Variants in CNTN5 observed in about 807,000 individuals in gnomAD.
CNTN5 encodes the protein contactin 5, also known as contactin-5.
Under a neutral mutation model 129.1 loss-of-function variants are expected in CNTN5, and 77 were observed. That is an observed-to-expected ratio of 0.60 (90% confidence interval 0.50 to 0.72). The LOEUF (loss-of-function observed/expected upper bound fraction) is 0.72. Among genes scored for constraint, CNTN5 ranks in the 30% least tolerant of loss-of-function variants. The pLI, the probability that CNTN5 is intolerant of heterozygous loss-of-function variation, is 0.00. For missense variants in CNTN5, 1,478 were observed against 1,328.8 expected (o/e 1.11, Z -1.75); for synonymous variants, 509 against 465.6 (o/e 1.09, Z -1.20).
At chr11:99,424,178 C>T (rs1220329519) in intron 2 of CNTN5, among the ~76,000 whole-genome samples, 1 of 152,124 alleles carries the variant, frequency 6.6e-6, no homozygotes, top group Non-Finnish European at 1.5e-5. Flanking sequence ...AATATGGCAA[C>T]ATCAATACTC....
intron 6 of CNTN5, among the ~76,000 whole-genome samples, chr11:99,907,447 G>A (rs1949538993): frequency 6.6e-6 from 1 of 151,840 alleles, no homozygotes. Flanking sequence ...TTCAAATAAG[G>A]AACAAAACTA....
intron 2 of CNTN5, among the ~76,000 whole-genome samples, chr11:99,507,317 C>T (rs976750956): frequency 7.3e-5 from 10 of 137,506 alleles, no homozygotes; most frequent in African/African-American, 2.8e-4. Context: ...GCAGAAGTTG[C>T]AGTGAGCCGA....
intron 1 of CNTN5, among the ~76,000 whole-genome samples, chr11:99,207,107 C>A (rs78696825): frequency 0.016 from 2,487 of 151,904 alleles, 62 homozygotes; most frequent in African/African-American, 0.056. Context: ...ATTTGCTCTT[C>A]GAAAATTTAT....
rs1330974639 is a variant in CNTN5, at chr11:100,358,639, G to A, written c.*2419G>A. The A allele has an allele frequency of 1.3e-5, 2 of 151,720 alleles. No homozygotes were observed. The highest frequency in any genetic ancestry group is 1.3e-4 in the Admixed American group (2 of 15,188). The allele number at this position is 151,720 out of a possible 1,614,324, so 9.4% of individuals were successfully genotyped here. On this transcript the variant is annotated 3_prime_UTR_variant, in exon 25 of 25. Coordinates refer to ENST00000524871, the MANE Select transcript of CNTN5 (RefSeq NM_014361.4). Reference sequence around the variant, plus strand: ...TAAAGAGACTGTATTTTTGTATAATGTCCATTGAATATGAAGAAAGCAACA... The same window carrying A: ...TAAAGAGACTGTATTTTTGTATAATATCCATTGAATATGAAGAAAGCAACA...
chr11:99,144,874 G>A (rs10892810), intron 1 of CNTN5, among the ~76,000 whole-genome samples: 130,916 of 151,862 alleles, frequency 0.86, 56,812 homozygotes, highest in East Asian at 0.99. Flanking sequence ...CTGTGAAATC[G>A]CTATTTTGAA....
intron 1 of CNTN5, among the ~76,000 whole-genome samples, chr11:99,186,299 A>T: frequency 6.6e-6 from 1 of 151,948 alleles, no homozygotes; most frequent in Non-Finnish European, 1.5e-5. Context: ...ACCCTCATTC[A>T]CATTATAGCA....
chr11:100,307,039 G>T (rs1951366155), intron 20 of CNTN5, among the ~76,000 whole-genome samples: 1 of 151,594 alleles, frequency 6.6e-6, no homozygotes, highest in Non-Finnish European at 1.5e-5. Context: ...CAAGTCTTTT[G>T]CAGGCTCCTT....
intron 1 of CNTN5, among the ~76,000 whole-genome samples, chr11:99,171,709 T>A (rs1861156675): frequency 6.6e-6 from 1 of 152,194 alleles, no homozygotes; most frequent in African/African-American, 2.4e-5. Flanking sequence ...ACTCTTCGTG[T>A]TATGCCAGTG....
intron 1 of CNTN5, among the ~76,000 whole-genome samples, chr11:99,026,787 T>C (rs972005417): frequency 6.6e-6 from 1 of 151,670 alleles, no homozygotes; most frequent in African/African-American, 2.4e-5. Context: ...CCCACATCTC[T>C]TAAATTTGAA....
At chr11:99,066,112 T>A (rs1045909710) in intron 1 of CNTN5, among the ~76,000 whole-genome samples, 2 of 152,162 alleles carry the variant, frequency 1.3e-5, no homozygotes, top group African/African-American at 4.8e-5. Context: ...GTATTTATCC[T>A]TTTTGTTTAG....
chr11:99,262,535 C>A (rs1476770363), intron 1 of CNTN5, among the ~76,000 whole-genome samples: 2 of 151,334 alleles, frequency 1.3e-5, no homozygotes, highest in East Asian at 3.9e-4. Flanking sequence ...AAAATGTTGG[C>A]ATAATTAACC....
intron 1 of CNTN5, among the ~76,000 whole-genome samples, chr11:99,182,948 T>C (rs1263805651): frequency 6.6e-6 from 1 of 152,106 alleles, no homozygotes; most frequent in Non-Finnish European, 1.5e-5. Flanking sequence ...ATTAATAGTT[T>C]ATTAGTAGAT....
At chr11:99,275,466 A>G (rs1189709318) in intron 1 of CNTN5, among the ~76,000 whole-genome samples, 2 of 146,546 alleles carry the variant, frequency 1.4e-5, no homozygotes, top group Non-Finnish European at 3.0e-5. Flanking sequence ...TGCTTTTTGA[A>G]TGGATAAACC....
intron 3 of CNTN5, among the ~76,000 whole-genome samples, chr11:99,755,714 T>C (rs972492475): frequency 2.6e-4 from 40 of 152,242 alleles, no homozygotes; most frequent in African/African-American, 8.2e-4. Context: ...CATTCTGTTA[T>C]GGTTGTGTTA....
At chr11:100,016,779 G>A (rs1940845261) in intron 9 of CNTN5, among the ~76,000 whole-genome samples, 1 of 151,794 alleles carries the variant, frequency 6.6e-6, no homozygotes, top group Non-Finnish European at 1.5e-5. Flanking sequence ...GAATGAATAT[G>A]CCGAGACATA....
chr11:99,632,423 A>G (rs2135806860), intron 3 of CNTN5, among the ~76,000 whole-genome samples: 1 of 152,252 alleles, frequency 6.6e-6, no homozygotes, highest in Middle Eastern at 3.4e-3. Flanking sequence ...GGGTTGGAAC[A>G]GTCAGCCAAG....
chr11:99,316,863 C>T (rs1865364055), intron 1 of CNTN5, among the ~76,000 whole-genome samples: 1 of 152,214 alleles, frequency 6.6e-6, no homozygotes, highest in East Asian at 1.9e-4. Flanking sequence ...GAAATGATCG[C>T]GGGCTCTGGC....
chr11:99,407,189 G>C (rs2134984714), intron 2 of CNTN5, among the ~76,000 whole-genome samples: 1 of 150,848 alleles, frequency 6.6e-6, no homozygotes, highest in South Asian at 2.1e-4. Context: ...AAATCTCAGA[G>C]TCTCATGAAA....
At chr11:100,215,291 CT>C (rs148926663) in intron 15 of CNTN5, among the ~76,000 whole-genome samples, 2,840 of 152,232 alleles carry the variant, frequency 0.019, 99 homozygotes, top group African/African-American at 0.065. Context: ...CAGTACCTCA[CT>C]TTTTCCACAT....
Sources: allele counts gnomAD v4.1 joint callset (sites outside exome capture counted in the v4.1 genomes callset), GRCh38; gene constraint gnomAD v4.1.1; transcripts MANE v1.5; gene names NCBI Gene and HGNC (gene_info 2026-07-23, HGNC 2026-07-21).